Variants in YAP1 observed in about 807,000 individuals in gnomAD.
The protein encoded by YAP1 is transcriptional coactivator YAP1.
YAP1 carries 5 observed loss-of-function variants against 56.9 expected under a neutral mutation model. The observed-to-expected ratio is 0.09, with a 90% CI of 0.05 to 0.18. The LOEUF (loss-of-function observed/expected upper bound fraction) is 0.18. Ranked by LOEUF, YAP1 falls within the 10% of genes least tolerant of loss-of-function variation. The pLI, the probability that YAP1 is intolerant of heterozygous loss-of-function variation, is 1.00. For synonymous variants in YAP1, 265 were observed against 248.1 expected (o/e 1.07, Z -0.64); for missense variants, 539 against 651.8 (o/e 0.83, Z 1.88).
At chr11:102,125,858 G>A (rs557140343) in intron 2 of YAP1, among the ~76,000 whole-genome samples, 1 of 152,046 alleles carries the variant, frequency 6.6e-6, no homozygotes, top group African/African-American at 2.4e-5. Flanking sequence ...TCATTGGAGA[G>A]TAATACAACA....
intron 3 of YAP1, among the ~76,000 whole-genome samples, chr11:102,170,410 A>G (rs1946836285): frequency 6.6e-6 from 1 of 152,272 alleles, no homozygotes; most frequent in African/African-American, 2.4e-5. Context: ...AACTATCTAA[A>G]TCTCAAATGT....
chr11:102,139,018 C>T (rs946809380), intron 2 of YAP1, among the ~76,000 whole-genome samples: 1 of 151,812 alleles, frequency 6.6e-6, no homozygotes, highest in Non-Finnish European at 1.5e-5. Context: ...AAAAGCAAAG[C>T]ATATATGTCT....
At chr11:102,119,858 G>A (rs1943542674) in intron 2 of YAP1, among the ~76,000 whole-genome samples, 1 of 152,090 alleles carries the variant, frequency 6.6e-6, no homozygotes, top group African/African-American at 2.4e-5. Flanking sequence ...TTAAGCTTAG[G>A]ACCAATCAAA....
intron 1 of YAP1, 40 bp from the exon 2 acceptor site, chr11:102,114,104 T>G: frequency 6.4e-7 from 1 of 1,553,210 alleles, no homozygotes; most frequent in Non-Finnish European, 8.7e-7. Context: ...TCAGTTGTGT[T>G]TTTTCTTTTT....
chr11:102,224,613 C>G (rs1014801688), intron 7 of YAP1, among the ~76,000 whole-genome samples: 1 of 152,094 alleles, frequency 6.6e-6, no homozygotes, highest in African/African-American at 2.4e-5. Context: ...CTTAGTAATT[C>G]CAAGAGAAAA....
chr11:102,111,303 G>A lies in YAP1; in HGVS notation c.321+134G>A. The A allele has an allele frequency of 4.0e-6, 4 of 988,880 alleles. No homozygotes were observed. The South Asian group carries it at 6.5e-5, about 16-fold the overall frequency. The allele number at this position is 988,880 out of a possible 1,614,324, so 61.3% of individuals were successfully genotyped here. Reference sequence around the variant, plus strand: ...ACTCTAGCTGGGGTGGGGGTCCCGAGGCGAAGTGGAACTGGAGTCGTCCAC... The same window carrying A: ...ACTCTAGCTGGGGTGGGGGTCCCGAAGCGAAGTGGAACTGGAGTCGTCCAC... On this transcript the variant is annotated intron_variant, in intron 1 of 8. Transcript: ENST00000282441.
intron 5 of YAP1, among the ~76,000 whole-genome samples, chr11:102,207,513 G>A (rs1354035532): frequency 6.6e-6 from 1 of 151,372 alleles, no homozygotes; most frequent in African/African-American, 2.4e-5. Context: ...GCAACATGGC[G>A]AGACTCTGTC....
chr11:102,119,724 A>G (rs1289974163), intron 2 of YAP1, among the ~76,000 whole-genome samples: 1 of 152,062 alleles, frequency 6.6e-6, no homozygotes, highest in Non-Finnish European at 1.5e-5. Flanking sequence ...TTGTAGTTAG[A>G]AAAATAATGT....
intron 2 of YAP1, among the ~76,000 whole-genome samples, chr11:102,115,531 T>A (rs1042504528): frequency 2.6e-5 from 4 of 151,778 alleles, no homozygotes; most frequent in African/African-American, 9.7e-5. Flanking sequence ...AAGGAAAAGG[T>A]TTGATCATGA....
chr11:102,118,487 A>G (rs1245634703), intron 2 of YAP1, among the ~76,000 whole-genome samples: 1 of 133,230 alleles, frequency 7.5e-6, no homozygotes, highest in South Asian at 2.4e-4. Context: ...TTTTTGAGAC[A>G]GAGTCTTGCT....
At chr11:102,120,136 G>A (rs1296846729) in intron 2 of YAP1, among the ~76,000 whole-genome samples, 2 of 152,188 alleles carry the variant, frequency 1.3e-5, no homozygotes, top group Non-Finnish European at 2.9e-5. Flanking sequence ...CTATGAAGAA[G>A]AATTGCTTCA....
intron 4 of YAP1, among the ~76,000 whole-genome samples, chr11:102,202,458 C>T (rs1327784765): frequency 6.6e-6 from 1 of 151,040 alleles, no homozygotes; most frequent in Non-Finnish European, 1.5e-5. Context: ...GGATTACAGG[C>T]GTGAGCCACT....
At chr11:102,211,803 A>G (rs1335773524) in intron 6 of YAP1, among the ~76,000 whole-genome samples, 2 of 151,940 alleles carry the variant, frequency 1.3e-5, no homozygotes, top group Non-Finnish European at 2.9e-5. Flanking sequence ...TCCCAGGTTC[A>G]AGCAATTCTC....
In YAP1 at chr11:102,126,835, C is replaced by T. The variant is rs181040440; in HGVS notation, c.572+12441C>T. On this transcript the variant is annotated intron_variant, in intron 2 of 8. Coordinates refer to ENST00000282441, the MANE Select transcript of YAP1 (RefSeq NM_001130145.3). ...TCTTGAATGGCTTTGACAAAAATGC[C>T]GATAGTGATGTGAACAGTCCAGGCT... Among the ~76,000 whole-genome samples the T allele has an allele frequency of 5.9e-3, 897 of 152,182 alleles. 7 individuals are homozygous for T. Among genetic ancestry groups the T allele is most frequent in the African/African-American group, 0.02 (833 of 41,506 alleles).
At chr11:102,170,368 A>G (rs1946834276) in intron 3 of YAP1, among the ~76,000 whole-genome samples, 1 of 152,188 alleles carries the variant, frequency 6.6e-6, no homozygotes. Flanking sequence ...TTAAAAGATT[A>G]TTTCAGTTTG....
chr11:102,164,453 G>C (rs1343137520), intron 3 of YAP1, among the ~76,000 whole-genome samples: 1 of 152,024 alleles, frequency 6.6e-6, no homozygotes. Context: ...CTGTATTTAT[G>C]GTTAAACAAG....
chr11:102,219,366 G>T (rs1336607463), intron 6 of YAP1, among the ~76,000 whole-genome samples: 1 of 152,126 alleles, frequency 6.6e-6, no homozygotes, highest in Non-Finnish European at 1.5e-5. Context: ...GCTGTGTTCA[G>T]GATGTTAAAG....
intron 6 of YAP1, among the ~76,000 whole-genome samples, chr11:102,217,566 T>C (rs901982361): frequency 1.3e-5 from 2 of 152,216 alleles, no homozygotes; most frequent in African/African-American, 4.8e-5. Flanking sequence ...AAGTACATGC[T>C]GTATGATTTT....
At chr11:102,140,694 T>C (rs538751374) in intron 2 of YAP1, among the ~76,000 whole-genome samples, 87 of 152,104 alleles carry the variant, frequency 5.7e-4, no homozygotes, top group Middle Eastern at 3.4e-3. Flanking sequence ...AATACAAAAA[T>C]TAGCCGGGCG....
Sources: allele counts gnomAD v4.1 joint callset (sites outside exome capture counted in the v4.1 genomes callset), GRCh38; gene constraint gnomAD v4.1.1; transcripts MANE v1.5; gene names NCBI Gene and HGNC (gene_info 2026-07-23, HGNC 2026-07-21).